ENAH: variants seen among roughly 807,000 people sequenced by gnomAD.
ENAH encodes the protein protein enabled homolog.
ENAH carries 23 observed loss-of-function variants against 78.7 expected under a neutral mutation model. The observed-to-expected ratio is 0.29, with a 90% CI of 0.21 to 0.41. ENAH has a LOEUF of 0.41. Ranked by LOEUF, ENAH falls within the 10% of genes least tolerant of loss-of-function variation. The pLI is 1.00. For synonymous variants in ENAH, 226 were observed against 241.0 expected (o/e 0.94, Z 0.58); for missense variants, 544 against 691.0 (o/e 0.79, Z 2.39).
chr1:225,505,454 T>A (rs2096319378), intron 11 of ENAH, among the ~76,000 whole-genome samples: 1 of 152,212 alleles, frequency 6.6e-6, no homozygotes, highest in South Asian at 2.1e-4. Flanking sequence ...GTTTAAAGCA[T>A]TTTTAACCAA....
At chr1:225,572,228 C>T (rs954586427) in intron 1 of ENAH, among the ~76,000 whole-genome samples, 1 of 152,122 alleles carries the variant, frequency 6.6e-6, no homozygotes, top group African/African-American at 2.4e-5. Flanking sequence ...AAGCTACTCA[C>T]ATACTAACTC....
intron 1 of ENAH, among the ~76,000 whole-genome samples, chr1:225,579,894 C>G (rs530934423): frequency 6.6e-6 from 1 of 151,978 alleles, no homozygotes; most frequent in Non-Finnish European, 1.5e-5. Context: ...AGAAAAAGAA[C>G]CTTTCAATGT....
At chr1:225,578,346 G>A (rs2096797901) in intron 1 of ENAH, among the ~76,000 whole-genome samples, 1 of 152,120 alleles carries the variant, frequency 6.6e-6, no homozygotes, top group Admixed American at 6.5e-5. Flanking sequence ...ACAATGGTGT[G>A]CACCTGTAGT....
rs764057925 is a variant in ENAH, at chr1:225,555,092, T to C, written c.172-9A>G. On this transcript the variant is annotated splice_polypyrimidine_tract_variant and intron_variant, in intron 2 of 13. Transcript: ENST00000366843. ...GCACAGTTTATCACGACCTAAAAAA[T>C]AATAATTCTTTATAAAGTCAAACCA... 6.0e-6 allele frequency: 9 copies of C among 1,508,764 alleles called. No individual in the cohort carries two copies. The highest frequency in any genetic ancestry group is 9.0e-7 in the Non-Finnish European group (1 of 1,108,986). The allele number at this position is 1,508,764 out of a possible 1,614,324, so 93.5% of individuals were successfully genotyped here.
intron 3 of ENAH, among the ~76,000 whole-genome samples, chr1:225,538,964 C>T (rs1266889940): frequency 1.3e-5 from 2 of 152,180 alleles, no homozygotes; most frequent in South Asian, 4.2e-4. Context: ...GAACACAGAT[C>T]AAGACTTGCC....
intron 6 of ENAH, among the ~76,000 whole-genome samples, chr1:225,516,234 C>T (rs945014997): frequency 7.9e-5 from 12 of 152,168 alleles, no homozygotes; most frequent in Admixed American, 2.0e-4. Flanking sequence ...CTCTTGATTA[C>T]CCCTTCAAGC....
intron 1 of ENAH, among the ~76,000 whole-genome samples, chr1:225,620,932 G>A (rs1656741642): frequency 6.6e-6 from 1 of 151,886 alleles, no homozygotes; most frequent in Non-Finnish European, 1.5e-5. Flanking sequence ...TTGAACCTGG[G>A]AGGCAGAGAC....
intron 5 of ENAH, chr1:225,518,080 G>A: frequency 8.9e-7 from 1 of 1,117,526 alleles, no homozygotes; most frequent in Non-Finnish European, 1.2e-6. Context: ...CCAGCATTCA[G>A]ACACAATGTA....
intron 1 of ENAH, among the ~76,000 whole-genome samples, chr1:225,600,442 T>C (rs2096924879): frequency 6.6e-6 from 1 of 152,198 alleles, no homozygotes; most frequent in African/African-American, 2.4e-5. Flanking sequence ...TTTTAAATCC[T>C]TATGTTAGGT....
chr1:225,529,986 C>T lies in ENAH; in HGVS notation c.434+568G>A, dbSNP rs189827797. 7.2e-5 allele frequency among the ~76,000 whole-genome samples: 11 copies of T among 152,250 alleles called. No individual in the cohort carries two copies. The East Asian group carries it at 1.7e-3, about 24-fold the overall frequency. On this transcript the variant is annotated intron_variant, in intron 4 of 13. Coordinates refer to ENST00000366843, the MANE Select transcript of ENAH (RefSeq NM_018212.6). ...TCCAGTGGAACTTTTAGTAGCTCAG[C>T]GTTTGTGCGGTTCTGAGGCCTGCCT...
chr1:225,536,506 T>C (rs746055439), intron 3 of ENAH, among the ~76,000 whole-genome samples: 15 of 152,060 alleles, frequency 9.9e-5, no homozygotes, highest in Non-Finnish European at 1.9e-4. Flanking sequence ...CCGTTGGTAT[T>C]AACCAAGAAA....
At chr1:225,508,221 T>C (rs2096349542) in intron 10 of ENAH, among the ~76,000 whole-genome samples, 1 of 152,140 alleles carries the variant, frequency 6.6e-6, no homozygotes, top group African/African-American at 2.4e-5. Context: ...AATTATAAGC[T>C]AGTACAGTAA....
chr1:225,624,263 C>T (rs1205528566), intron 1 of ENAH, among the ~76,000 whole-genome samples: 4 of 151,854 alleles, frequency 2.6e-5, no homozygotes, highest in African/African-American at 9.7e-5. Flanking sequence ...CACAGCAAGA[C>T]CCTGTCTTTA....
chr1:225,498,643 G>GATAATTA, intron 12 of ENAH, among the ~76,000 whole-genome samples: 1 of 152,140 alleles, frequency 6.6e-6, no homozygotes, highest in Non-Finnish European at 1.5e-5. Flanking sequence ...CTAAAATTAA[G>GATAATTA]ATAATTACTC....
chr1:225,545,740 C>G (rs2096609780), intron 3 of ENAH, among the ~76,000 whole-genome samples: 1 of 151,894 alleles, frequency 6.6e-6, no homozygotes, highest in Non-Finnish European at 1.5e-5. Flanking sequence ...AGAAGGGGAC[C>G]CTCAAGAGTT....
At chr1:225,500,951 A>G (rs775215019) in intron 12 of ENAH, 41 bp downstream of exon 12, 2 of 1,573,216 alleles carry the variant, frequency 1.3e-6, no homozygotes, top group Middle Eastern at 1.7e-4. Flanking sequence ...TTTTAAAAAG[A>G]AACAAGTACA....
rs1339220505 is a variant in ENAH, at chr1:225,548,225, A to C, written c.349+6681T>G. Among the ~76,000 whole-genome samples, 6 of 129,374 alleles carry C rather than the reference A, an allele frequency of 4.6e-5. No individual in the cohort carries two copies. The East Asian group carries it at 1.3e-3, about 29-fold the overall frequency. 84.9% of individuals were successfully genotyped at this position (129,374 alleles called of 152,430 possible). On this transcript the variant is annotated intron_variant, in intron 3 of 13. Transcript: ENST00000366843. ...TTTTCATTTTCTTTTTTTTTTTTGG[A>C]CATTAGCATTCAAAATAACATTTTC... is the stretch of plus-strand genomic sequence containing the variant.
At chr1:225,587,078 C>A (rs2096851284) in intron 1 of ENAH, among the ~76,000 whole-genome samples, 3 of 152,122 alleles carry the variant, frequency 2.0e-5, no homozygotes, top group Admixed American at 1.3e-4. Flanking sequence ...ATTAAAATAT[C>A]TAGAACATCA....
At position 225,590,953 on chromosome 1, in the gene ENAH, C is replaced by G. The variant is rs532152435; in HGVS notation, c.6-23539G>C. On this transcript the variant is annotated intron_variant, in intron 1 of 13. Coordinates refer to ENST00000366843, the MANE Select transcript of ENAH (RefSeq NM_018212.6). ...AAGGAGAATCTAGTTAGGAATAGTT[C>G]AATTAGAATCTTTTATAAAATACAT... 3.9e-5 allele frequency among the ~76,000 whole-genome samples: 6 copies of G among 152,224 alleles called. No homozygotes were observed. The South Asian group carries it at 1.2e-3, about 32-fold the overall frequency.
Sources: gnomAD v4.1 joint callset for allele counts (sites outside exome capture counted in the v4.1 genomes callset) on GRCh38, gnomAD v4.1.1 for gene constraint, MANE v1.5 for transcripts, NCBI Gene and HGNC (gene_info 2026-07-23, HGNC 2026-07-21) for gene names.